Variants in YTHDF3 observed in about 807,000 individuals in gnomAD.
The protein encoded by YTHDF3 is YTH domain-containing family protein 3.
Under a neutral mutation model 52.5 loss-of-function variants are expected in YTHDF3, and 9 were observed. The observed-to-expected ratio is 0.17, with a 90% confidence interval of 0.10 to 0.30. YTHDF3 has a LOEUF of 0.30. Among genes scored for constraint, YTHDF3 ranks in the 10% least tolerant of loss-of-function variants. YTHDF3 has a pLI of 1.00. For synonymous variants in YTHDF3, 274 were observed against 243.3 expected (o/e 1.13, Z -1.18); for missense variants, 534 against 715.0 (o/e 0.75, Z 2.89).
At chr8:63,170,794 A>G (rs541496007) in intron 2 of YTHDF3, among the ~76,000 whole-genome samples, 18 of 152,214 alleles carry the variant, frequency 1.2e-4, no homozygotes, top group Admixed American at 3.3e-4. Flanking sequence ...TAAGTGTTTT[A>G]TGTTACCCGC....
chr8:63,195,563 A>G (rs1470499041), intron 4 of YTHDF3, among the ~76,000 whole-genome samples: 1 of 152,212 alleles, frequency 6.6e-6, no homozygotes, highest in African/African-American at 2.4e-5. Context: ...ATGGAAAGAG[A>G]GGTGCTCCAG....
In YTHDF3 at chr8:63,187,013, T is replaced by G. The variant is rs748582377; in HGVS notation, c.1002T>G (p.Pro334=). The change falls in exon 4 of 5, where the codon CCT becomes CCG. Residue 334 remains proline, a synonymous_variant. Transcript: ENST00000539294. ...QPPQPQQQQG[P]QPQAQPHQVQ... ...CACAACCACAGCAGCAACAAGGACC[T>G]CAGCCACAGGCCCAGCCTCACCAAG... The G allele has an allele frequency of 1.2e-6, 2 of 1,613,538 alleles. No individual in the cohort carries two copies. Among genetic ancestry groups the G allele is most frequent in the South Asian group, 2.2e-5 (2 of 91,026 alleles).
Position 63,210,522 on chromosome 8 carries a change from C to T in YTHDF3, c.*816C>T, listed in dbSNP as rs184146245. 8 of 152,656 alleles carry T rather than the reference C, an allele frequency of 5.2e-5. No individual in the cohort carries two copies. Among genetic ancestry groups the T allele is most frequent in the Admixed American group, 5.2e-4 (8 of 15,294 alleles). 9.5% of individuals were successfully genotyped at this position (152,656 alleles called of 1,614,324 possible). On this transcript the variant is annotated 3_prime_UTR_variant, in exon 5 of 5. Transcript: ENST00000539294. ...AGACTTTTTATGACCTTTATAACTACATTTAAAACCCTTAATTCCTATTTC... is the reference window on the plus strand; with the variant it reads ...AGACTTTTTATGACCTTTATAACTATATTTAAAACCCTTAATTCCTATTTC...
chr8:63,200,312 A>T (rs1563411194), intron 4 of YTHDF3, among the ~76,000 whole-genome samples: 1 of 152,112 alleles, frequency 6.6e-6, no homozygotes, highest in Non-Finnish European at 1.5e-5. Flanking sequence ...CTGAGGAGGC[A>T]GTAGCTACCA....
At chr8:63,193,570 G>T (rs1809053445) in intron 4 of YTHDF3, among the ~76,000 whole-genome samples, 3 of 151,928 alleles carry the variant, frequency 2.0e-5, no homozygotes, top group Admixed American at 2.0e-4. Flanking sequence ...AGCCTGAGTA[G>T]CACAATGAGA....
chr8:63,187,587 A>G lies in YTHDF3; in HGVS notation c.1576A>G (p.Asn526Asp). The change falls in exon 4 of 5, where the codon AAC (asparagine) becomes GAC (aspartate). Residue 526 changes from asparagine (N) to aspartate (D), a missense_variant. This residue lies in a region of YTHDF3 where 135 missense variants were observed against 214.2 expected (regional missense o/e 0.63). Coordinates refer to ENST00000539294, the MANE Select transcript of YTHDF3 (RefSeq NM_152758.6). ...LRHIRLENND[N>D]KPVTNSRDTQ... is the part of the protein sequence containing the mutation. ...GCATATTCGCTTAGAAAATAATGAC[A>G]ACAAACCGGTTACCAATTCAAGGGA... The G allele has an allele frequency of 1.2e-6, 2 of 1,613,612 alleles. No homozygotes were observed. Among genetic ancestry groups the G allele is most frequent in the Non-Finnish European group, 1.7e-6 (2 of 1,179,676 alleles).
At chr8:63,196,193 G>C (rs962661082) in intron 4 of YTHDF3, among the ~76,000 whole-genome samples, 2 of 151,686 alleles carry the variant, frequency 1.3e-5, no homozygotes, top group African/African-American at 4.8e-5. Flanking sequence ...CTGGGAAGTT[G>C]AGGCTGCAGT....
intron 4 of YTHDF3, among the ~76,000 whole-genome samples, chr8:63,204,881 A>G (rs890442350): frequency 3.9e-5 from 6 of 152,172 alleles, no homozygotes; most frequent in African/African-American, 1.4e-4. Context: ...TGATAAATCT[A>G]CCGAAGATTA....
Position 63,209,443 on chromosome 8 carries a change from G to A in YTHDF3, c.1735-240G>A, listed in dbSNP as rs866190474. The stretch of plus-strand genomic sequence containing the variant: ...TAAACAAACAATAGGGATGTGGAGA[G>A]GATCTATACTCTCCTGAAATAGGTC... On this transcript the variant is annotated intron_variant, in intron 4 of 4. Transcript: ENST00000539294. 5.3e-4 allele frequency among the ~76,000 whole-genome samples: 81 copies of A among 152,192 alleles called. 1 individual carries two copies. The highest frequency in any genetic ancestry group is 3.4e-3 in the Middle Eastern group (1 of 294).
chr8:63,196,297 A>G (rs1054026882), intron 4 of YTHDF3, among the ~76,000 whole-genome samples: 1 of 151,672 alleles, frequency 6.6e-6, no homozygotes, highest in Non-Finnish European at 1.5e-5. Flanking sequence ...TTGGTGGCTC[A>G]ATGCCTGTAA....
At chr8:63,169,544 G>A (rs1052428544) in intron 2 of YTHDF3, 133 bp downstream of exon 2, 7 of 991,446 alleles carry the variant, frequency 7.1e-6, no homozygotes, top group Admixed American at 2.5e-5. Context: ...ATTCATCATG[G>A]CTAAGGTAGC....
chr8:63,211,563 A>G lies in YTHDF3; in HGVS notation c.*1857A>G, dbSNP rs1810371994. ...TATTAGAGAATATTATAAAAGGGTG[A>G]CCTTGTAGGAAGGATCTGAGTCCTC... On this transcript the variant is annotated 3_prime_UTR_variant, in exon 5 of 5. Coordinates refer to ENST00000539294, the MANE Select transcript of YTHDF3 (RefSeq NM_152758.6). 6.6e-6 allele frequency: 1 copy of G among 152,510 alleles called. No individual in the cohort carries two copies. The highest frequency in any genetic ancestry group is 1.5e-5 in the Non-Finnish European group (1 of 67,974). 9.4% of individuals were successfully genotyped at this position (152,510 alleles called of 1,614,324 possible).
intron 4 of YTHDF3, among the ~76,000 whole-genome samples, chr8:63,206,835 T>A (rs1358085978): frequency 6.6e-6 from 1 of 152,172 alleles, no homozygotes; most frequent in Non-Finnish European, 1.5e-5. Flanking sequence ...GTTAGAACCG[T>A]GTTTTAGAAA....
chr8:63,179,739 C>T (rs1807952712), intron 3 of YTHDF3, among the ~76,000 whole-genome samples: 1 of 152,248 alleles, frequency 6.6e-6, no homozygotes, highest in Non-Finnish European at 1.5e-5. Context: ...CTGGGTACAC[C>T]TCCCAGATGG....
chr8:63,195,410 T>C (rs769944787), intron 4 of YTHDF3, among the ~76,000 whole-genome samples: 8 of 152,172 alleles, frequency 5.3e-5, no homozygotes, highest in Non-Finnish European at 1.0e-4. Flanking sequence ...ATTAGAGACA[T>C]AATTATCAGA....
intron 3 of YTHDF3, among the ~76,000 whole-genome samples, chr8:63,183,540 G>T (rs534603363): frequency 6.6e-6 from 1 of 152,104 alleles, no homozygotes; most frequent in African/African-American, 2.4e-5. Flanking sequence ...CTTTATAGAT[G>T]TATTTAAATA....
chr8:63,195,453 T>G (rs895467976), intron 4 of YTHDF3, among the ~76,000 whole-genome samples: 2 of 152,158 alleles, frequency 1.3e-5, no homozygotes, highest in African/African-American at 4.8e-5. Context: ...ATTAATAAAA[T>G]GTCATGTTTT....
intron 4 of YTHDF3, among the ~76,000 whole-genome samples, chr8:63,194,290 C>T (rs1809098240): frequency 6.6e-6 from 1 of 151,990 alleles, no homozygotes; most frequent in African/African-American, 2.4e-5. Flanking sequence ...TTGAGATCAG[C>T]CTGGCTAACA....
chr8:63,170,214 A>G (rs1190256918), intron 2 of YTHDF3, among the ~76,000 whole-genome samples: 1 of 152,198 alleles, frequency 6.6e-6, no homozygotes, highest in African/African-American at 2.4e-5. Flanking sequence ...ATTATATATA[A>G]CATTTTGTAG....
Sources: allele counts gnomAD v4.1 joint callset (sites outside exome capture counted in the v4.1 genomes callset), GRCh38; gene constraint gnomAD v4.1.1; regional missense constraint gnomAD v4.1.1; transcripts MANE v1.5; gene names NCBI Gene and HGNC (gene_info 2026-07-23, HGNC 2026-07-21).